The following DNAJC15 variants were observed in gnomAD, a reference collection of about 807,000 sequenced individuals.
DNAJC15 encodes DnaJ heat shock protein family (Hsp40) member C15, also known as dnaJ homolog subfamily C member 15.
In DNAJC15, 27 loss-of-function variants were observed where a neutral mutation model predicts 22.4. That is an observed-to-expected ratio of 1.20 (90% CI 0.89 to 1.66). DNAJC15 has a LOEUF of 1.66. Among genes scored for constraint, DNAJC15 ranks in the 40% most tolerant of loss-of-function variants. DNAJC15 has a pLI of 0.00. For synonymous variants in DNAJC15, 79 were observed against 63.2 expected (o/e 1.25, Z -1.19); for missense variants, 208 against 187.1 (o/e 1.11, Z -0.65).
intron 1 of DNAJC15, among the ~76,000 whole-genome samples, chr13:43,026,701 CTG>C: frequency 6.6e-6 from 1 of 152,218 alleles, no homozygotes; most frequent in South Asian, 2.1e-4. Context: ...AACTTTCACA[CTG>C]TATTTTAAAA....
chr13:43,061,114 C>T (rs990610405), intron 1 of DNAJC15, among the ~76,000 whole-genome samples: 3 of 152,038 alleles, frequency 2.0e-5, no homozygotes, highest in Admixed American at 6.6e-5. Flanking sequence ...TTCTAAGAGG[C>T]GGGCTAGTGG....
rs921388583 is a variant in DNAJC15, at chr13:43,112,490, A to G, written c.*5242A>G. The G allele has an allele frequency of 2.6e-5, 4 of 152,244 alleles. No homozygotes were observed. Among genetic ancestry groups the G allele is most frequent in the Admixed American group, 1.3e-4 (2 of 15,284 alleles). 9.4% of individuals were successfully genotyped at this position (152,244 alleles called of 1,614,324 possible). On this transcript the variant is annotated 3_prime_UTR_variant, in exon 6 of 6. Coordinates refer to ENST00000379221, the MANE Select transcript of DNAJC15 (RefSeq NM_013238.3). Reference sequence around the variant, plus strand: ...TCAACAGTGGCAAACTTCAATTATGACAGGATAAAAATCACATAGAGATAT... The same window carrying G: ...TCAACAGTGGCAAACTTCAATTATGGCAGGATAAAAATCACATAGAGATAT...
chr13:43,110,900 A>C lies in DNAJC15; in HGVS notation c.*3652A>C, dbSNP rs2153442670. 1 of 152,374 alleles carries C rather than the reference A, an allele frequency of 6.6e-6. No individual in the cohort carries two copies. 9.4% of individuals were successfully genotyped at this position (152,374 alleles called of 1,614,324 possible). ...ATTTGAGTGGTTACCTGTCTTCAGT[A>C]AAGATTGCGCTTGCATATTTGCTGT... On this transcript the variant is annotated 3_prime_UTR_variant, in exon 6 of 6. Transcript: ENST00000379221.
intron 5 of DNAJC15, among the ~76,000 whole-genome samples, chr13:43,090,663 A>G (rs561890821): frequency 6.6e-6 from 1 of 150,576 alleles, no homozygotes; most frequent in African/African-American, 2.4e-5. Flanking sequence ...ATTGGGCAGC[A>G]TTCTTTACTT....
intron 1 of DNAJC15, among the ~76,000 whole-genome samples, chr13:43,057,056 C>T (rs1343786623): frequency 6.6e-6 from 1 of 152,170 alleles, no homozygotes; most frequent in African/African-American, 2.4e-5. Context: ...TTTCCTTCAT[C>T]TTGACTTTAG....
intron 1 of DNAJC15, among the ~76,000 whole-genome samples, chr13:43,038,770 C>T (rs560784375): frequency 1.5e-5 from 2 of 135,704 alleles, no homozygotes; most frequent in African/African-American, 2.8e-5. Flanking sequence ...CCAGCATGGG[C>T]GACAAAGCGA....
intron 4 of DNAJC15, among the ~76,000 whole-genome samples, chr13:43,081,834 T>C (rs2040663397): frequency 6.6e-6 from 1 of 152,104 alleles, no homozygotes; most frequent in Admixed American, 6.5e-5. Context: ...TACCCAAGAC[T>C]GGGTAATTTA....
intron 1 of DNAJC15, among the ~76,000 whole-genome samples, chr13:43,049,761 G>C (rs897856114): frequency 2.6e-5 from 4 of 152,090 alleles, no homozygotes; most frequent in African/African-American, 9.7e-5. Flanking sequence ...GGAAGTTTGA[G>C]GAGAATTGTT....
At chr13:43,084,827 G>T (rs983075855) in intron 4 of DNAJC15, among the ~76,000 whole-genome samples, 2 of 151,920 alleles carry the variant, frequency 1.3e-5, no homozygotes, top group African/African-American at 4.8e-5. Flanking sequence ...TTTCCCATGG[G>T]TTTTTTTCAC....
At chr13:43,087,099 A>G (rs997163352) in intron 5 of DNAJC15, among the ~76,000 whole-genome samples, 1 of 152,224 alleles carries the variant, frequency 6.6e-6, no homozygotes. Flanking sequence ...ATAACCTTTT[A>G]TGCCTATTCA....
At chr13:43,089,171 C>T (rs1264691991) in intron 5 of DNAJC15, among the ~76,000 whole-genome samples, 1 of 152,162 alleles carries the variant, frequency 6.6e-6, no homozygotes, top group African/African-American at 2.4e-5. Context: ...ATAACTAATA[C>T]ATTAAATAAT....
rs2040832067 is a variant in DNAJC15, at chr13:43,113,091, T to C, written c.*5843T>C. On this transcript the variant is annotated 3_prime_UTR_variant, in exon 6 of 6. Transcript: ENST00000379221. ...CGGAGGAAGCTTTGATAAGATTTTA[T>C]CTGAAATGTTCATGGACAAGAGCTT... 1 of 152,198 alleles carries C rather than the reference T, an allele frequency of 6.6e-6. No individual in the cohort carries two copies. Among genetic ancestry groups the C allele is most frequent in the Non-Finnish European group, 1.5e-5 (1 of 68,034 alleles). 9.4% of individuals were successfully genotyped at this position (152,198 alleles called of 1,614,324 possible).
intron 1 of DNAJC15, among the ~76,000 whole-genome samples, chr13:43,041,798 G>T (rs532543105): frequency 1.7e-4 from 26 of 152,356 alleles, no homozygotes; most frequent in Non-Finnish European, 2.6e-4. Context: ...CATCCATGCA[G>T]TCAATTAACT....
chr13:43,071,879 T>C (rs987017063), intron 3 of DNAJC15, among the ~76,000 whole-genome samples: 1 of 152,242 alleles, frequency 6.6e-6, no homozygotes, highest in African/African-American at 2.4e-5. Context: ...AATAGTGCCT[T>C]GGATAAGTCT....
intron 1 of DNAJC15, among the ~76,000 whole-genome samples, chr13:43,041,780 T>TATAC (rs1244748934): frequency 6.6e-6 from 1 of 152,228 alleles, no homozygotes; most frequent in Non-Finnish European, 1.5e-5. Context: ...TCTCCATGCA[T>TATAC]ATACATACAT....
At chr13:43,091,349 A>C (rs908603128) in intron 5 of DNAJC15, among the ~76,000 whole-genome samples, 1 of 152,194 alleles carries the variant, frequency 6.6e-6, no homozygotes, top group Non-Finnish European at 1.5e-5. Flanking sequence ...TGGCCTCCCA[A>C]AGTGCTGGGA....
intron 5 of DNAJC15, among the ~76,000 whole-genome samples, chr13:43,097,692 C>T (rs1396437994): frequency 1.3e-5 from 2 of 152,094 alleles, no homozygotes; most frequent in Non-Finnish European, 2.9e-5. Flanking sequence ...AATCCCAGCA[C>T]TTTGGGAGGC....
rs370069729 is a variant in DNAJC15 at position 43,085,854 on chromosome 13, A to G, written c.382+16A>G. 7.4e-5 allele frequency: 118 copies of G among 1,598,896 alleles called. 1 individual carries two copies. The South Asian group carries it at 1.1e-3, about 15-fold the overall frequency. On this transcript the variant is annotated intron_variant, in intron 5 of 5. Coordinates refer to ENST00000379221, the MANE Select transcript of DNAJC15 (RefSeq NM_013238.3). ...CCAGATAAAGGTAGGTAGAATTCCT[A>G]TTTTTCATAATATGTATATCAAAAT...
At chr13:43,073,955 CTTCTTCT>C (rs1566210461) in intron 3 of DNAJC15, among the ~76,000 whole-genome samples, 1 of 135,552 alleles carries the variant, frequency 7.4e-6, no homozygotes. Context: ...AAAACCCATC[CTTCTTCT>C]TTTTTTTTTG....
Sources: gnomAD v4.1 joint callset for allele counts (sites outside exome capture counted in the v4.1 genomes callset) on GRCh38, gnomAD v4.1.1 for gene constraint, MANE v1.5 for transcripts, NCBI Gene and HGNC (gene_info 2026-07-23, HGNC 2026-07-21) for gene names.